Variants in ASAP3 observed in about 807,000 individuals in gnomAD.
ASAP3 encodes arf-GAP with SH3 domain, ANK repeat and PH domain-containing protein 3.
In ASAP3, 85 loss-of-function variants were observed where a neutral mutation model predicts 118.2. The ratio of observed to expected loss-of-function variants is 0.72; its 90% confidence interval spans 0.60 to 0.86. The LOEUF is 0.86. Ranked by LOEUF, ASAP3 falls within the 40% of genes least tolerant of loss-of-function variation. The pLI is 0.00. For missense variants in ASAP3, 1,026 were observed against 1,175.0 expected (o/e 0.87, Z 1.85); for synonymous variants, 432 against 477.4 (o/e 0.90, Z 1.24).
Position 23,436,727 on chromosome 1 carries a change from A to G in ASAP3, c.1477-73T>C. The G allele has an allele frequency of 2.5e-6, 4 of 1,591,870 alleles. No individual in the cohort carries two copies. The South Asian group carries it at 3.3e-5, about 13-fold the overall frequency. On this transcript the variant is annotated intron_variant, in intron 15 of 24. Transcript: ENST00000336689. The surrounding 1 kb of genome is among the most constrained non-coding windows in gnomAD (Gnocchi z 4.2). ...TAAGCCTGCATAGGGTGGAGCTCCA[A>G]GCCCCCAGAGTCCCGCCCCTCGGCC...
At chr1:23,459,030 C>T (rs1208410500) in intron 1 of ASAP3, among the ~76,000 whole-genome samples, 3 of 151,720 alleles carry the variant, frequency 2.0e-5, no homozygotes, top group East Asian at 1.9e-4. Flanking sequence ...ATTAGCTGGG[C>T]GTGGTGGTGC....
rs904857106 is a variant in ASAP3 at position 23,430,374 on chromosome 1, G to T, written c.2638-444C>A. Among the ~76,000 whole-genome samples, 3 of 152,168 alleles carry T rather than the reference G, an allele frequency of 2.0e-5. No individual in the cohort carries two copies. In the South Asian group the frequency reaches 6.2e-4, roughly 32 times the overall value. ...AAGAGGCTTCTTTCCCAACACAACT[G>T]GCTCTGATCTGTGCCCACTCCTAGG... On this transcript the variant is annotated intron_variant, in intron 24 of 24. Coordinates refer to ENST00000336689, the MANE Select transcript of ASAP3 (RefSeq NM_017707.4).
intron 3 of ASAP3, 58 bp from the exon 4 acceptor site, chr1:23,452,829 G>A (rs1641264500): frequency 6.5e-7 from 1 of 1,531,204 alleles, no homozygotes; most frequent in Non-Finnish European, 9.1e-7. Context: ...AGCCCCTAGG[G>A]ATTCGGTGTA....
Position 23,456,022 on chromosome 1 carries a change from A to G in ASAP3, c.207T>C (p.His69=), listed in dbSNP as rs200506413. The change falls in exon 3 of 25, where the codon CAT becomes CAC. Residue 69 remains histidine (H), a synonymous_variant. Coordinates refer to ENST00000336689, the MANE Select transcript of ASAP3 (RefSeq NM_017707.4). ...CTCGGTACTGCTCTTCATTCTCCAC[A>G]TGGCCTGTGGAGGTACAGACGGGAG... ...VRAIHSSGLG[H]VENEEQYREA... The G allele has an allele frequency of 9.9e-6, 16 of 1,614,008 alleles. No individual in the cohort carries two copies. In the East Asian group the frequency reaches 2.0e-4, roughly 20 times the overall value.
At position 23,433,070 on chromosome 1, in the gene ASAP3, A is replaced by T. The variant is rs149640825; in HGVS notation, c.2323+7T>A. ...TGGTGAGCATTTATCTGGGCATCCAACTGTACCTCCACTGGCATGTCTTGC... is the reference window on the plus strand; with the variant it reads ...TGGTGAGCATTTATCTGGGCATCCATCTGTACCTCCACTGGCATGTCTTGC... On this transcript the variant is annotated splice_region_variant and intron_variant, in intron 22 of 24. Transcript: ENST00000336689. The T allele has an allele frequency of 3.5e-5, 57 of 1,613,230 alleles. No individual in the cohort carries two copies. In the East Asian group the frequency reaches 1.3e-3, roughly 36 times the overall value.
rs770240143 is a variant in ASAP3, at chr1:23,452,822, C to A, written c.349-51G>T. The A allele has an allele frequency of 2.6e-6, 4 of 1,563,644 alleles. No homozygotes were observed. In the Admixed American group the frequency reaches 5.0e-5, roughly 20 times the overall value. On this transcript the variant is annotated intron_variant, in intron 3 of 24. Coordinates refer to ENST00000336689, the MANE Select transcript of ASAP3 (RefSeq NM_017707.4). ...CCGCCTCAGGTGACCGGCATCCAGC[C>A]CCTAGGGATTCGGTGTACAGTGAAG... is the stretch of plus-strand genomic sequence containing the variant.
rs1295355590 is a variant in ASAP3 at position 23,436,115 on chromosome 1, CT to C, written c.1572-88del. ...GCCCTCCCACAGGAGATACAGCTCT[CT>C]TTTTCTCCAGAACCATGTCCTGAAG... On this transcript the variant is annotated intron_variant, in intron 16 of 24. Coordinates refer to ENST00000336689, the MANE Select transcript of ASAP3 (RefSeq NM_017707.4). The surrounding 1 kb of genome is among the most constrained non-coding windows in gnomAD (Gnocchi z 4.2). 3.1e-5 allele frequency: 45 copies of C among 1,444,456 alleles called. No homozygotes were observed. Among genetic ancestry groups the C allele is most frequent in the Non-Finnish European group, 4.1e-5 (43 of 1,038,622 alleles). The allele number at this position is 1,444,456 out of a possible 1,614,324, so 89.5% of individuals were successfully genotyped here.
At chr1:23,455,400 G>T (rs1384112689) in intron 3 of ASAP3, among the ~76,000 whole-genome samples, 1 of 152,200 alleles carries the variant, frequency 6.6e-6, no homozygotes, top group East Asian at 1.9e-4. Context: ...CATGTACAGG[G>T]GCTGAGACGC....
chr1:23,434,481 G>A, intron 18 of ASAP3, 52 bp downstream of exon 18: 1 of 1,605,864 alleles, frequency 6.2e-7, no homozygotes, highest in East Asian at 2.2e-5. Flanking sequence ...AGAAGAGGAA[G>A]GAAAGGAGAG....
At chr1:23,478,907 C>G (rs1039850950) in intron 1 of ASAP3, among the ~76,000 whole-genome samples, 1 of 152,190 alleles carries the variant, frequency 6.6e-6, no homozygotes, top group East Asian at 1.9e-4. Context: ...GGAACCTGGA[C>G]TGTGTGAAAT....
At chr1:23,462,272 C>G (rs1056109934) in intron 1 of ASAP3, among the ~76,000 whole-genome samples, 2 of 151,346 alleles carry the variant, frequency 1.3e-5, no homozygotes, top group African/African-American at 4.8e-5. Flanking sequence ...GATCCGCCTG[C>G]CTCGGCCTCC....
chr1:23,474,168 A>G (rs1558185266), intron 1 of ASAP3, among the ~76,000 whole-genome samples: 1 of 151,754 alleles, frequency 6.6e-6, no homozygotes, highest in Non-Finnish European at 1.5e-5. Flanking sequence ...GGGTTTTGCC[A>G]TGTTGGCCAG....
At chr1:23,451,182 C>T (rs996140177) in intron 5 of ASAP3, among the ~76,000 whole-genome samples, 2 of 152,136 alleles carry the variant, frequency 1.3e-5, no homozygotes, top group African/African-American at 2.4e-5. Context: ...GGCCAGCACG[C>T]GGAGGTGTTT....
Position 23,462,658 on chromosome 1 carries a change from C to T in ASAP3, c.130-6464G>A, listed in dbSNP as rs1023232547. Among the ~76,000 whole-genome samples the T allele has an allele frequency of 2.6e-5, 4 of 151,986 alleles. No homozygotes were observed. In the East Asian group the frequency reaches 5.9e-4, roughly 22 times the overall value. On this transcript the variant is annotated intron_variant, in intron 1 of 24. Coordinates refer to ENST00000336689, the MANE Select transcript of ASAP3 (RefSeq NM_017707.4). ...CCTGTAGTCCCAGCTACTAGGGAGG[C>T]GGAGGCAGGAGAATCGCTTGAACCT...
chr1:23,434,988 G>T (rs1256087879), intron 17 of ASAP3, among the ~76,000 whole-genome samples: 1 of 151,950 alleles, frequency 6.6e-6, no homozygotes, highest in Non-Finnish European at 1.5e-5. Context: ...ACTGCCCATT[G>T]GATAGCCCAC....
At chr1:23,451,897 T>C (rs1414290816) in intron 4 of ASAP3, among the ~76,000 whole-genome samples, 2 of 152,140 alleles carry the variant, frequency 1.3e-5, no homozygotes, top group African/African-American at 2.4e-5. Flanking sequence ...GAAGGCCAAA[T>C]TCCCCCTGCC....
At chr1:23,474,733 C>T (rs558803927) in intron 1 of ASAP3, among the ~76,000 whole-genome samples, 2 of 152,120 alleles carry the variant, frequency 1.3e-5, no homozygotes, top group Admixed American at 1.3e-4. Context: ...CAGGTGCGTG[C>T]CACCACGCCC....
intron 1 of ASAP3, among the ~76,000 whole-genome samples, chr1:23,458,553 T>C (rs1046748695): frequency 3.2e-4 from 48 of 152,058 alleles, no homozygotes; most frequent in African/African-American, 1.0e-3. Flanking sequence ...TGAGCCCTGA[T>C]TGCGCCACTG....
chr1:23,462,018 TTTTTC>T (rs1641606870), intron 1 of ASAP3, among the ~76,000 whole-genome samples: 1 of 151,964 alleles, frequency 6.6e-6, no homozygotes, highest in African/African-American at 2.4e-5. Flanking sequence ...TCACAGACTG[TTTTTC>T]TTTTCTTTTT....
Sources: gnomAD v4.1 joint callset for allele counts (sites outside exome capture counted in the v4.1 genomes callset) on GRCh38, gnomAD v4.1.1 for gene constraint, Gnocchi (gnomAD v3.1) non-coding constraint, MANE v1.5 for transcripts, NCBI Gene and HGNC (gene_info 2026-07-23, HGNC 2026-07-21) for gene names.